The following COL15A1 variants were observed in gnomAD, a reference collection of about 807,000 sequenced individuals.
COL15A1 encodes the protein collagen alpha-1(XV) chain.
In COL15A1, 111 loss-of-function variants were observed where a neutral mutation model predicts 165.9. The ratio of observed to expected loss-of-function variants is 0.67; its 90% CI spans 0.57 to 0.78. The LOEUF is 0.78. COL15A1 is among the 30% of genes least tolerant of loss of function. The pLI, the probability that COL15A1 is intolerant of heterozygous loss-of-function variation, is 0.00. For missense variants in COL15A1, 1,745 were observed against 1,789.7 expected (o/e 0.98, Z 0.45); for synonymous variants, 659 against 674.8 (o/e 0.98, Z 0.36).
intron 2 of COL15A1, among the ~76,000 whole-genome samples, chr9:98,980,624 C>T (rs1348148478): frequency 2.6e-5 from 4 of 152,116 alleles, no homozygotes; most frequent in Non-Finnish European, 4.4e-5. Context: ...CAGCCCTGGC[C>T]CTGAGGGCCA....
At chr9:99,006,406 C>T (rs1158835290) in intron 9 of COL15A1, among the ~76,000 whole-genome samples, 1 of 152,240 alleles carries the variant, frequency 6.6e-6, no homozygotes, top group Non-Finnish European at 1.5e-5. Context: ...GTCATCAGGA[C>T]ATCACAGATC....
In COL15A1 at chr9:98,944,249, A is replaced by G. The variant is rs529177276; in HGVS notation, c.99A>G (p.Thr33=). The G allele has an allele frequency of 7.4e-6, 12 of 1,613,660 alleles. No individual in the cohort carries two copies. In the African/African-American group the frequency reaches 1.1e-4, roughly 14 times the overall value. Residue 33 remains threonine (T), a splice_region_variant and synonymous_variant, in exon 2 of 42, where the codon ACA becomes ACG. Transcript: ENST00000375001. ...CTGTCACCCAGACCCGCGGTGCGAC[A>G]GGTAAGCAACCCGGTCGGAGGGTGG... ...LPAVTQTRGA[T]ETASQGHLDL...
chr9:99,013,801 G>T (rs948790830), intron 9 of COL15A1, among the ~76,000 whole-genome samples: 15 of 152,182 alleles, frequency 9.9e-5, no homozygotes, highest in African/African-American at 3.6e-4. Context: ...AAAGGGGCGG[G>T]TGGTGCCTTT....
At chr9:98,955,503 T>C (rs1837761679) in intron 2 of COL15A1, among the ~76,000 whole-genome samples, 1 of 152,194 alleles carries the variant, frequency 6.6e-6, no homozygotes, top group Non-Finnish European at 1.5e-5. Flanking sequence ...ACTGTGGAGA[T>C]CTTAGTGAAA....
intron 2 of COL15A1, among the ~76,000 whole-genome samples, chr9:98,962,423 A>T (rs1238233815): frequency 6.6e-6 from 1 of 152,200 alleles, no homozygotes; most frequent in African/African-American, 2.4e-5. Flanking sequence ...GAAGAGCCAC[A>T]TTGTTTATTT....
At position 99,015,543 on chromosome 9, in the gene COL15A1, G is replaced by GC. The variant is rs1473114910; in HGVS notation, c.1484dup (p.Glu496Ter). The stretch of plus-strand genomic sequence containing the variant: ...CCTGGCTCCCCTCACAGCCACCATG[G>GC]CCCCTGAGCGGGCAGTCACTTCTGT... On this transcript the variant is annotated frameshift_variant, in exon 10 of 42. Coordinates refer to ENST00000375001, the MANE Select transcript of COL15A1 (RefSeq NM_001855.5). LOFTEE classifies it high-confidence loss of function. 6.2e-7 allele frequency: 1 copy of GC among 1,613,846 alleles called. No individual in the cohort carries two copies. Among genetic ancestry groups the GC allele is most frequent in the African/African-American group, 1.3e-5 (1 of 75,044 alleles).
At chr9:98,999,012 G>A (rs1838599411) in intron 6 of COL15A1, among the ~76,000 whole-genome samples, 1 of 152,242 alleles carries the variant, frequency 6.6e-6, no homozygotes, top group South Asian at 2.1e-4. Context: ...TCAGTCCTTG[G>A]AGGACAGGCA....
chr9:98,995,072 G>T (rs939022407), intron 5 of COL15A1, among the ~76,000 whole-genome samples: 32 of 152,166 alleles, frequency 2.1e-4, no homozygotes, highest in African/African-American at 7.5e-4. Flanking sequence ...CCAGCCACCA[G>T]CAGCCTCACT....
chr9:99,028,960 A>G (rs924720432), intron 16 of COL15A1, among the ~76,000 whole-genome samples: 2 of 152,254 alleles, frequency 1.3e-5, no homozygotes, highest in African/African-American at 4.8e-5. Context: ...AATCAAGATG[A>G]TCAACTAACT....
At chr9:98,944,388 G>T (rs368381123) in intron 2 of COL15A1, 138 bp downstream of exon 2, 12 of 871,544 alleles carry the variant, frequency 1.4e-5, no homozygotes, top group Non-Finnish European at 2.2e-5. Flanking sequence ...GCGCACTGGC[G>T]GTCCCGCGGG....
intron 5 of COL15A1, among the ~76,000 whole-genome samples, chr9:98,994,227 G>A (rs945753839): frequency 1.3e-5 from 2 of 152,172 alleles, no homozygotes; most frequent in African/African-American, 2.4e-5. Flanking sequence ...TAGATCTGGA[G>A]TGAAAGATCC....
intron 9 of COL15A1, among the ~76,000 whole-genome samples, chr9:99,005,723 C>T (rs1183725202): frequency 2.0e-5 from 3 of 152,342 alleles, no homozygotes; most frequent in Non-Finnish European, 4.4e-5. Flanking sequence ...TGCCCAAACA[C>T]ATCATGAATC....
chr9:98,996,857 T>C (rs930034335), intron 5 of COL15A1, 77 bp from the exon 6 acceptor site: 5 of 1,572,342 alleles, frequency 3.2e-6, no homozygotes, highest in African/African-American at 1.4e-5. Context: ...TATTATTTTC[T>C]TCAGTGATAT....
intron 2 of COL15A1, among the ~76,000 whole-genome samples, chr9:98,976,258 TGA>T (rs1714631955): frequency 6.6e-6 from 1 of 152,150 alleles, no homozygotes; most frequent in Non-Finnish European, 1.5e-5. Flanking sequence ...ATTAATGAAG[TGA>T]GAGAATAAGA....
In COL15A1 at chr9:99,024,817, C is replaced by T. The variant is rs543877282; in HGVS notation, c.1855-57C>T. The T allele has an allele frequency of 2.5e-6, 4 of 1,569,502 alleles. No individual in the cohort carries two copies. The South Asian group carries it at 3.5e-5, about 14-fold the overall frequency. ...TTTGAGAGATTGCATGAAGCACATA[C>T]TCAGTATCTCATTCGGTATTCCCCC... On this transcript the variant is annotated intron_variant, in intron 14 of 41. Coordinates refer to ENST00000375001, the MANE Select transcript of COL15A1 (RefSeq NM_001855.5).
At chr9:99,059,984 T>C (rs1825783542) in intron 36 of COL15A1, 31 bp downstream of exon 36, 4 of 1,609,052 alleles carry the variant, frequency 2.5e-6, no homozygotes, top group Non-Finnish European at 3.4e-6. Context: ...GTAGTCATCA[T>C]TCCATTTGGG....
chr9:99,031,586 A>G (rs919204708), intron 16 of COL15A1, among the ~76,000 whole-genome samples: 25 of 152,180 alleles, frequency 1.6e-4, no homozygotes, highest in African/African-American at 5.5e-4. Context: ...TTTCTCATCT[A>G]TCCTGAGAGC....
intron 16 of COL15A1, among the ~76,000 whole-genome samples, chr9:99,034,209 A>G (rs957600714): frequency 5.9e-5 from 9 of 152,174 alleles, no homozygotes; most frequent in Admixed American, 4.6e-4. Flanking sequence ...TACCTCCGTC[A>G]TGGGAAGGGT....
intron 6 of COL15A1, among the ~76,000 whole-genome samples, chr9:98,997,642 G>A (rs1361602233): frequency 1.3e-5 from 2 of 152,198 alleles, no homozygotes; most frequent in Non-Finnish European, 2.9e-5. Flanking sequence ...GATGGCCAGA[G>A]AGGGGCCAGT....
Sources: allele counts gnomAD v4.1 joint callset (sites outside exome capture counted in the v4.1 genomes callset), GRCh38; gene constraint gnomAD v4.1.1; transcripts MANE v1.5; gene names NCBI Gene and HGNC (gene_info 2026-07-23, HGNC 2026-07-21).